The following CKAP2L variants were observed in gnomAD, a reference collection of about 807,000 sequenced individuals.
CKAP2L encodes the protein cytoskeleton associated protein 2L.
A neutral mutation model predicts 65.7 loss-of-function variants in CKAP2L; 42 were observed. That is an observed-to-expected ratio of 0.64 (90% CI 0.50 to 0.83). CKAP2L has a LOEUF of 0.83. CKAP2L is among the 40% of genes least tolerant of loss of function. The pLI is 0.00. For missense variants in CKAP2L, 908 were observed against 871.0 expected (o/e 1.04, Z -0.53); for synonymous variants, 325 against 313.5 (o/e 1.04, Z -0.39).
At chr2:112,760,531 CTACTTTTCAAAAAATGTCA>C (rs1350482528) in intron 3 of CKAP2L, among the ~76,000 whole-genome samples, 163 bp downstream of exon 3, 1 of 152,162 alleles carries the variant, frequency 6.6e-6, no homozygotes. Flanking sequence ...TAAAACTAAA[CTACTTTTCAAAAAATGTCA>C]TACTTTTCAA....
At chr2:112,750,807 A>G (rs1680351748) in intron 5 of CKAP2L, among the ~76,000 whole-genome samples, 1 of 148,288 alleles carries the variant, frequency 6.7e-6, no homozygotes, top group Non-Finnish European at 1.5e-5. Context: ...AAAAAAAAAG[A>G]AAGACTCACT....
rs1349424380 is a variant in CKAP2L, at chr2:112,752,474, C to G, written c.1395G>C (p.Arg465Ser). The G allele has an allele frequency of 6.3e-7, 1 of 1,588,012 alleles. No homozygotes were observed. The highest frequency in any genetic ancestry group is 8.6e-7 in the Non-Finnish European group (1 of 1,164,930). Residue 465 changes from arginine (R) to serine (S), a missense_variant and splice_region_variant, in exon 5 of 9, where the codon AGG (arginine) becomes AGC (serine). Physicochemically the swap from Arg to Ser is moderately radical, Grantham distance 110. Coordinates refer to ENST00000302450, the MANE Select transcript of CKAP2L (RefSeq NM_152515.5). Reference sequence around the variant, plus strand: ...ATTTCTGCCATTCTTCTAGTTGTTTCCTGAAATTCAATTAAAGGGAGAGTG... The same window carrying G: ...ATTTCTGCCATTCTTCTAGTTGTTTGCTGAAATTCAATTAAAGGGAGAGTG... The part of the protein sequence containing the change: ...IKKKATAEDR[R>S]KQLEEWQKSK...
chr2:112,753,820 A>G (rs72952121), intron 4 of CKAP2L, among the ~76,000 whole-genome samples: 1 of 151,960 alleles, frequency 6.6e-6, no homozygotes, highest in South Asian at 2.1e-4. Context: ...GAACCATTGT[A>G]CCCTGCCTCC....
In CKAP2L at chr2:112,756,237, C is replaced by G. The variant is rs2712025; in HGVS notation, c.1134G>C (p.Arg378Ser). ...VLQKSKAISQ[R>S]PNLTVGRFNS... ...TAAATCTGCCAACTGTCAAATTAGG[C>G]CTCTGGCTTATGGCTTTTGACTTTT... Residue 378 changes from arginine (R) to serine (S), a missense_variant, in exon 4 of 9, where the codon AGG (arginine) becomes AGC (serine). Transcript: ENST00000302450. 6.2e-7 allele frequency: 1 copy of G among 1,614,130 alleles called. No homozygotes were observed. The highest frequency in any genetic ancestry group is 8.5e-7 in the Non-Finnish European group (1 of 1,180,020).
chr2:112,740,974 C>T lies in CKAP2L; in HGVS notation c.1856G>A (p.Ser619Asn), dbSNP rs776099638. The change falls in exon 8 of 9, where the codon AGT becomes AAT. Residue 619 changes from serine to asparagine, a missense_variant. Ser to Asn is a conservative substitution (Grantham distance 46). Coordinates refer to ENST00000302450, the MANE Select transcript of CKAP2L (RefSeq NM_152515.5). ...ITSDSLVAET[S>N]ITSVEELAKK... The stretch of plus-strand genomic sequence containing the variant: ...GGCCAGCTCTTCCACTGATGTTATA[C>T]TAGTTTCAGCAACTAAAGAGTCAGA... 2 of 1,613,594 alleles carry T rather than the reference C, an allele frequency of 1.2e-6. No individual in the cohort carries two copies. Among genetic ancestry groups the T allele is most frequent in the South Asian group, 2.2e-5 (2 of 91,054 alleles).
At chr2:112,742,811 C>T (rs1680060057) in intron 6 of CKAP2L, 42 bp from the exon 7 acceptor site, 1 of 1,461,046 alleles carries the variant, frequency 6.8e-7, no homozygotes, top group Admixed American at 2.1e-5. Flanking sequence ...TAAAAACATT[C>T]ATGCAAAAAA....
rs146016798 is a variant in CKAP2L, at chr2:112,744,024, A to G, written c.1759-1255T>C. 8.5e-4 allele frequency among the ~76,000 whole-genome samples: 129 copies of G among 152,292 alleles called. 1 individual carries two copies. The highest frequency in any genetic ancestry group is 3.0e-3 in the African/African-American group (124 of 41,560). On this transcript the variant is annotated intron_variant, in intron 6 of 8. Transcript: ENST00000302450. ...AGCATAAAAGCAAAGCTTTCCGTACATTTTTTCAAAATCCAAAATAGAATT... is the reference window on the plus strand; with the variant it reads ...AGCATAAAAGCAAAGCTTTCCGTACGTTTTTTCAAAATCCAAAATAGAATT...
chr2:112,754,481 A>G (rs1162994147), intron 4 of CKAP2L, among the ~76,000 whole-genome samples: 4 of 152,290 alleles, frequency 2.6e-5, no homozygotes, highest in Middle Eastern at 3.4e-3. Context: ...CTAATCATAA[A>G]CGAAGAGTGA....
Position 112,738,770 on chromosome 2 carries a change from TTCTTG to T in CKAP2L, c.*48_*52del, listed in dbSNP as rs1679586920. On this transcript the variant is annotated 3_prime_UTR_variant, in exon 9 of 9. Transcript: ENST00000302450. ...TTCCAGGTCACTTGGACAAGAATAT[TTCTTG>T]TCTTATGTTGGTTCTGAAACACCTT... The T allele has an allele frequency of 4.9e-6, 6 of 1,230,754 alleles. No homozygotes were observed. The highest frequency in any genetic ancestry group is 1.8e-5 in the Admixed American group (1 of 55,886). The allele number at this position is 1,230,754 out of a possible 1,614,324, so 76.2% of individuals were successfully genotyped here.
rs1679459877 is a variant in CKAP2L at position 112,738,021 on chromosome 2, A to C, written c.*802T>G. 1.3e-5 allele frequency: 2 copies of C among 152,218 alleles called. No homozygotes were observed. Among genetic ancestry groups the C allele is most frequent in the Non-Finnish European group, 1.5e-5 (1 of 68,038 alleles). 9.4% of individuals were successfully genotyped at this position (152,218 alleles called of 1,614,324 possible). On this transcript the variant is annotated 3_prime_UTR_variant, in exon 9 of 9. Coordinates refer to ENST00000302450, the MANE Select transcript of CKAP2L (RefSeq NM_152515.5). Reference sequence around the variant, plus strand: ...CACAAATAGTTGCCCAGGAGGAAGAAAAAGCAACCTACAACAGTCTCTGGG... The same window carrying C: ...CACAAATAGTTGCCCAGGAGGAAGACAAAGCAACCTACAACAGTCTCTGGG...
chr2:112,751,097 C>G (rs1680360437), intron 5 of CKAP2L, among the ~76,000 whole-genome samples: 1 of 152,086 alleles, frequency 6.6e-6, no homozygotes, highest in African/African-American at 2.4e-5. Flanking sequence ...CAAAATTATC[C>G]TCCAAAGAAA....
chr2:112,757,294 A>C, intron 3 of CKAP2L, 80 bp from the exon 4 acceptor site: 1 of 953,134 alleles, frequency 1.0e-6, no homozygotes, highest in Non-Finnish European at 1.5e-6. Flanking sequence ...TGTTTAACAC[A>C]TGCTAAAAAA....
At chr2:112,746,067 G>A (rs1680190074) in intron 6 of CKAP2L, among the ~76,000 whole-genome samples, 1 of 152,120 alleles carries the variant, frequency 6.6e-6, no homozygotes, top group African/African-American at 2.4e-5. Context: ...TTCTGATTTT[G>A]AACCATTATG....
intron 3 of CKAP2L, among the ~76,000 whole-genome samples, chr2:112,757,417 T>G: frequency 7.3e-6 from 1 of 137,746 alleles, no homozygotes; most frequent in South Asian, 2.4e-4. Context: ...TGAGACAGGA[T>G]CTTGCTCTGT....
At chr2:112,740,732 A>G (rs1679877289) in intron 8 of CKAP2L, 86 bp downstream of exon 8, 2 of 1,096,586 alleles carry the variant, frequency 1.8e-6, no homozygotes, top group Non-Finnish European at 2.7e-6. Flanking sequence ...GTCAGGTCTC[A>G]GTTACTCTAG....
In CKAP2L at chr2:112,737,774, T is replaced by G. The variant is rs1360207892; in HGVS notation, c.*1049A>C. 1 of 152,204 alleles carries G rather than the reference T, an allele frequency of 6.6e-6. No individual in the cohort carries two copies. The highest frequency in any genetic ancestry group is 1.5e-5 in the Non-Finnish European group (1 of 68,042). The allele number at this position is 152,204 out of a possible 1,614,324, so 9.4% of individuals were successfully genotyped here. On this transcript the variant is annotated 3_prime_UTR_variant, in exon 9 of 9. Coordinates refer to ENST00000302450, the MANE Select transcript of CKAP2L (RefSeq NM_152515.5). ...CTTGGTAATGAATGCTCCTTGTTTC[T>G]TAGGACAGCCAACTGGTATATCCTT...
chr2:112,762,885 G>A (rs1339425243), intron 1 of CKAP2L, among the ~76,000 whole-genome samples: 2 of 151,558 alleles, frequency 1.3e-5, no homozygotes, highest in African/African-American at 4.9e-5. Context: ...CCAGGTTCTA[G>A]CAATCCTCAC....
chr2:112,747,837 A>G (rs1325995504), intron 5 of CKAP2L, among the ~76,000 whole-genome samples: 1 of 152,266 alleles, frequency 6.6e-6, no homozygotes, highest in African/African-American at 2.4e-5. Context: ...AATACTTTTA[A>G]GAGTATCACA....
chr2:112,757,079 G>A lies in CKAP2L; in HGVS notation c.292C>T (p.Leu98Phe). 1 of 1,614,184 alleles carries A rather than the reference G, an allele frequency of 6.2e-7. No individual in the cohort carries two copies. Among genetic ancestry groups the A allele is most frequent in the Non-Finnish European group, 8.5e-7 (1 of 1,180,036 alleles). The change falls in exon 4 of 9, where the codon CTT becomes TTT. Residue 98 changes from leucine (L) to phenylalanine (F), a missense_variant. Coordinates refer to ENST00000302450, the MANE Select transcript of CKAP2L (RefSeq NM_152515.5). ...SQKPKLEPPKLLGKRLTSECV... is the reference protein window; with the variant it reads ...SQKPKLEPPKFLGKRLTSECV... ...TCTGAAGTCAGCCTTTTGCCCAGAA[G>A]TTTTGGTGGCTCCAACTTCGGCTTC...
Sources: gnomAD v4.1 joint callset for allele counts (sites outside exome capture counted in the v4.1 genomes callset) on GRCh38, gnomAD v4.1.1 for gene constraint, MANE v1.5 for transcripts, NCBI Gene and HGNC (gene_info 2026-07-23, HGNC 2026-07-21) for gene names.